The following TBXAS1 variants were observed in gnomAD, a reference collection of about 807,000 sequenced individuals.
TBXAS1 encodes thromboxane-A synthase.
In TBXAS1, 48 loss-of-function variants were observed where a neutral mutation model predicts 60.7. The ratio of observed to expected loss-of-function variants is 0.79; its 90% CI spans 0.63 to 1.01. TBXAS1 has a LOEUF of 1.01. TBXAS1 is among the 50% of genes least tolerant of loss of function. TBXAS1 has a pLI of 0.00. For missense variants in TBXAS1, 685 were observed against 686.3 expected, an observed-to-expected ratio of 1.00 and a Z score of 0.02; for synonymous variants, 287 against 269.7, an observed-to-expected ratio of 1.06 and a Z score of -0.63.
Position 139,940,561 on chromosome 7 carries a change from C to T in TBXAS1, c.450+4254C>T, listed in dbSNP as rs1293153477. The stretch of plus-strand genomic sequence containing the variant: ...CGGCACAGTGAGTGTTCCTGTTGGT[C>T]CCCTCTCTGACCACCTCAGACCGAC... On this transcript the variant is annotated intron_variant, in intron 5 of 12. Transcript: ENST00000448866. Among the ~76,000 whole-genome samples the T allele has an allele frequency of 2.6e-5, 4 of 152,040 alleles. No homozygotes were observed. In the East Asian group the frequency reaches 7.7e-4, roughly 29 times the overall value.
In TBXAS1 at chr7:139,975,667, T is replaced by A. The variant is rs1811511388; in HGVS notation, c.1134+13434T>A. On this transcript the variant is annotated intron_variant, in intron 9 of 12. Coordinates refer to ENST00000448866, the MANE Select transcript of TBXAS1 (RefSeq NM_001061.7). The surrounding 1 kb of genome is among the most constrained non-coding windows in gnomAD (Gnocchi z 4.4). The stretch of plus-strand genomic sequence containing the variant: ...CATTGGTTCACCTTTGCAGGTATCA[T>A]CTGTGACCTGTCATCCAGGCTCTGA... Among the ~76,000 whole-genome samples, 2 of 152,208 alleles carry A rather than the reference T, an allele frequency of 1.3e-5. No homozygotes were observed. The highest frequency in any genetic ancestry group is 2.9e-5 in the Non-Finnish European group (2 of 68,022).
intron 1 of TBXAS1, among the ~76,000 whole-genome samples, chr7:139,841,024 G>T (rs1463393819): frequency 6.6e-6 from 1 of 152,218 alleles, no homozygotes; most frequent in Admixed American, 6.5e-5. Context: ...AGCAAGTCAG[G>T]TGCCATACCA....
chr7:139,816,446 C>T (rs1265292635), intron 4 of TBXAS1, among the ~76,000 whole-genome samples: 3 of 152,268 alleles, frequency 2.0e-5, no homozygotes, highest in East Asian at 1.9e-4. Flanking sequence ...CCCAGAGGTG[C>T]CATCTTTGAA....
chr7:139,952,866 T>C (rs1809525377), intron 5 of TBXAS1, among the ~76,000 whole-genome samples: 1 of 152,232 alleles, frequency 6.6e-6, no homozygotes. Context: ...AAATAATTTC[T>C]GTGTTAAATA....
chr7:139,977,868 G>A (rs534449989), intron 9 of TBXAS1, among the ~76,000 whole-genome samples: 3 of 152,282 alleles, frequency 2.0e-5, no homozygotes, highest in African/African-American at 7.2e-5. Context: ...AAACAAATCT[G>A]ACCTAGCTCT....
chr7:139,955,040 G>A (rs1809730015), intron 6 of TBXAS1, among the ~76,000 whole-genome samples: 1 of 152,210 alleles, frequency 6.6e-6, no homozygotes, highest in African/African-American at 2.4e-5. Context: ...ATTCTGGCCT[G>A]AGCTGGGCTG....
chr7:139,992,659 CA>C (rs781421453), intron 9 of TBXAS1, among the ~76,000 whole-genome samples: 23 of 152,366 alleles, frequency 1.5e-4, no homozygotes, highest in Non-Finnish European at 2.6e-4. Flanking sequence ...GTGGCCTCTG[CA>C]AGCTCCCCAA....
intron 4 of TBXAS1, among the ~76,000 whole-genome samples, chr7:139,819,365 G>A (rs971214824): frequency 7.2e-5 from 11 of 152,202 alleles, no homozygotes; most frequent in Non-Finnish European, 1.2e-4. Flanking sequence ...CTGCATGGAA[G>A]GCTGCCTACT....
rs921674991 is a variant in TBXAS1, at chr7:139,937,933, G to A, written c.450+1626G>A. Among the ~76,000 whole-genome samples the A allele has an allele frequency of 4.0e-5, 6 of 148,854 alleles. No homozygotes were observed. The East Asian group carries it at 8.4e-4, about 21-fold the overall frequency. ...GGGCCTCGGTGGAAAGCTGGGGGGT[G>A]GGGGAGGGTCAGAAGCAAAACTTCT... On this transcript the variant is annotated intron_variant, in intron 5 of 12. Transcript: ENST00000448866.
At chr7:139,936,125 C>T in intron 4 of TBXAS1, 66 bp from the exon 5 acceptor site, 1 of 1,466,230 alleles carries the variant, frequency 6.8e-7, no homozygotes, top group Non-Finnish European at 9.6e-7. Flanking sequence ...TGTCATGGAC[C>T]TGTATTGCCA....
chr7:139,792,869 A>G (rs1314220958), intron 4 of TBXAS1, among the ~76,000 whole-genome samples: 2 of 152,206 alleles, frequency 1.3e-5, no homozygotes, highest in Non-Finnish European at 2.9e-5. Flanking sequence ...GGCCCAGGTA[A>G]GAGAACATCA....
chr7:139,806,926 A>G (rs1042936557), intron 4 of TBXAS1, among the ~76,000 whole-genome samples: 20 of 152,176 alleles, frequency 1.3e-4, no homozygotes, highest in Non-Finnish European at 2.8e-4. Flanking sequence ...TTGAACAGTG[A>G]TTGTCTGCCG....
chr7:139,951,962 GAA>G (rs1179290446), intron 5 of TBXAS1, among the ~76,000 whole-genome samples: 1 of 116,212 alleles, frequency 8.6e-6, no homozygotes, highest in African/African-American at 3.5e-5. Flanking sequence ...AAGAAAGAAA[GAA>G]AGAAAGAAAG....
chr7:139,947,989 C>T (rs371965388), intron 5 of TBXAS1, among the ~76,000 whole-genome samples: 6 of 152,158 alleles, frequency 3.9e-5, no homozygotes, highest in Middle Eastern at 3.4e-3. Context: ...CTCAGCCTCC[C>T]GAGTAGCTGG....
chr7:139,994,843 G>A (rs573880608), intron 9 of TBXAS1, among the ~76,000 whole-genome samples: 6 of 152,316 alleles, frequency 3.9e-5, no homozygotes, highest in African/African-American at 1.4e-4. Context: ...CGTGAGGGAG[G>A]CCTTATTAAT....
rs1461232940 is a variant in TBXAS1, at chr7:139,843,260, G to C, written c.89+13781G>C. Among the ~76,000 whole-genome samples, 4 of 152,106 alleles carry C rather than the reference G, an allele frequency of 2.6e-5. No homozygotes were observed. In the South Asian group the frequency reaches 8.3e-4, roughly 32 times the overall value. On this transcript the variant is annotated intron_variant, in intron 1 of 12. Coordinates refer to ENST00000448866, the MANE Select transcript of TBXAS1 (RefSeq NM_001061.7). ...CCTCCATCAGGCCAGCCCTCAACCAGCCCTGCCTCCTGTGGACTTGCTTCC... is the reference window on the plus strand; with the variant it reads ...CCTCCATCAGGCCAGCCCTCAACCACCCCTGCCTCCTGTGGACTTGCTTCC...
chr7:139,979,767 A>AAT (rs929654751), intron 9 of TBXAS1, among the ~76,000 whole-genome samples: 9 of 142,914 alleles, frequency 6.3e-5, no homozygotes, highest in African/African-American at 1.6e-4. Flanking sequence ...TAATAATAAT[A>AAT]AATAAATAGC....
chr7:139,876,144 T>C (rs10237035), intron 3 of TBXAS1, among the ~76,000 whole-genome samples: 1,766 of 152,294 alleles, frequency 0.012, 32 homozygotes, highest in African/African-American at 0.04. Flanking sequence ...GAAGTGCTAT[T>C]AATAATTACC....
chr7:139,978,775 CAAAAAAA>C (rs35583867), intron 9 of TBXAS1, among the ~76,000 whole-genome samples: 1,102 of 90,996 alleles, frequency 0.012, 17 homozygotes, highest in African/African-American at 0.042. Context: ...CCTGCCTCTA[CAAAAAAA>C]AAAAAAAAAA....
Sources: allele counts gnomAD v4.1 joint callset (sites outside exome capture counted in the v4.1 genomes callset), GRCh38; gene constraint gnomAD v4.1.1; non-coding constraint Gnocchi (gnomAD v3.1); transcripts MANE v1.5; gene names NCBI Gene and HGNC (gene_info 2026-07-23, HGNC 2026-07-21).